The following PRC1 variants were observed in gnomAD, a reference collection of about 807,000 sequenced individuals.
PRC1 encodes anaphase spindle elongation 1 homolog.
Under a neutral mutation model 91.2 loss-of-function variants are expected in PRC1, and 54 were observed. The observed-to-expected ratio is 0.59, with a 90% CI of 0.48 to 0.74. The LOEUF (loss-of-function observed/expected upper bound fraction) is 0.74, where lower values mean the gene tolerates loss of function less well. Ranked by LOEUF, PRC1 falls within the 30% of genes least tolerant of loss-of-function variation. The probability of loss-of-function intolerance (pLI) is 0.00; values close to 1 mark genes in which losing one functional copy is unlikely to be tolerated. For missense variants in PRC1, 727 were observed against 746.2 expected, an observed-to-expected ratio of 0.97 and a Z score of 0.30; for synonymous variants, 275 against 263.6, an observed-to-expected ratio of 1.04 and a Z score of -0.42.
chr15:90,969,675 A>T (rs2037885392), intron 12 of PRC1, 52 bp from the exon 13 acceptor site: 1 of 1,512,156 alleles, frequency 6.6e-7, no homozygotes, highest in African/African-American at 1.4e-5. Context: ...GAACGTGCAC[A>T]CGCACACACA....
In PRC1 at chr15:90,984,819, C is replaced by T. The variant is rs1226933198; in HGVS notation, c.18G>A (p.Val6=). The part of the protein sequence containing the change: MRRSE[V]LAEESIVCLQ... Reference sequence around the variant, plus strand: ...GACATACTATGGACTCCTCCGCCAGCACCTCACTGAAAACCAAAAACTAAG... The same window carrying T: ...GACATACTATGGACTCCTCCGCCAGTACCTCACTGAAAACCAAAAACTAAG... Residue 6 remains valine (V), a synonymous_variant, in exon 2 of 15, where the codon GTG becomes GTA. Transcript: ENST00000394249. This position sits in a 1 kb window ranked among gnomAD's most constrained non-coding sequence, Gnocchi z 5.1. The T allele has an allele frequency of 1.9e-6, 3 of 1,614,014 alleles. No homozygotes were observed. Among genetic ancestry groups the T allele is most frequent in the East Asian group, 4.5e-5 (2 of 44,896 alleles).
In PRC1 at chr15:90,974,710, G is replaced by A. The variant is rs549267890; in HGVS notation, c.1225C>T (p.Arg409Ter). Residue 409 changes from arginine (R) to a stop codon, truncating the protein, a stop_gained, in exon 10 of 15, where the codon CGA becomes TGA. Coordinates refer to ENST00000394249, the MANE Select transcript of PRC1 (RefSeq NM_003981.4). LOFTEE classifies it high-confidence loss of function. This position sits in a 1 kb window ranked among gnomAD's most constrained non-coding sequence, Gnocchi z 4.6. ...LPKLEEELKA[R>*]IELWEQEHSK... ...TGTTCCTGTTCCCACAATTCAATTC[G>A]TGCCTTCAACTCTTCTTCCAGCTGA... is the stretch of plus-strand genomic sequence containing the variant. The A allele has an allele frequency of 7.4e-6, 12 of 1,614,058 alleles. No homozygotes were observed. The highest frequency in any genetic ancestry group is 5.0e-5 in the Admixed American group (3 of 60,000).
At chr15:90,969,764 ATATATATATATATATATAT>A (rs1369156007) in intron 12 of PRC1, 141 bp from the exon 13 acceptor site, 472 of 9,064 alleles carry the variant, frequency 0.052, 3 homozygotes, top group East Asian at 0.42. Context: ...AAAAAAAAAC[ATATATATATATATATATAT>A]ATATATATAT....
In PRC1 at chr15:90,966,890, T is replaced by C. The variant is rs1567175288; in HGVS notation, c.*241A>G. 3 of 556,114 alleles carry C rather than the reference T, an allele frequency of 5.4e-6. No homozygotes were observed. 34.4% of individuals were successfully genotyped at this position (556,114 alleles called of 1,614,324 possible). On this transcript the variant is annotated 3_prime_UTR_variant, in exon 15 of 15. Coordinates refer to ENST00000394249, the MANE Select transcript of PRC1 (RefSeq NM_003981.4). ...GAAGTCAGGCCCCATATGCTAAAATTTGCACTTCTTGCCATAAACTTTTCA... is the reference window on the plus strand; with the variant it reads ...GAAGTCAGGCCCCATATGCTAAAATCTGCACTTCTTGCCATAAACTTTTCA...
intron 1 of PRC1, among the ~76,000 whole-genome samples, chr15:90,990,041 A>T (rs910902404): frequency 6.6e-6 from 1 of 152,026 alleles, no homozygotes; most frequent in Non-Finnish European, 1.5e-5. Flanking sequence ...AACTTAAACA[A>T]TAAAATTTTT....
At chr15:90,983,950 A>G in intron 3 of PRC1, 68 bp downstream of exon 3, 1 of 1,575,044 alleles carries the variant, frequency 6.3e-7, no homozygotes, top group Non-Finnish European at 8.7e-7. Flanking sequence ...TGCAGGCCCA[A>G]GTCAACGTTG....
chr15:90,985,385 C>T (rs2039504405), intron 1 of PRC1, among the ~76,000 whole-genome samples: 1 of 151,760 alleles, frequency 6.6e-6, no homozygotes, highest in African/African-American at 2.4e-5. Flanking sequence ...CAGGTGCTAC[C>T]ACACCCAGCT....
Position 90,981,554 on chromosome 15 carries a change from T to C in PRC1, c.617A>G (p.Asp206Gly), listed in dbSNP as rs780992729. Residue 206 changes from aspartate to glycine, a missense_variant, in exon 5 of 15, where the codon GAT (aspartate) becomes GGT (glycine). By Grantham distance (94) the Asp-to-Gly change is moderately conservative (BLOSUM62 -1). Transcript: ENST00000394249. ...FERDVVCEDEDAFCLSLENIA... is the reference protein window; with the variant it reads ...FERDVVCEDEGAFCLSLENIA... ...ATTCTCCAAAGACAAACAAAAGGCA[T>C]CTTCGTCTTCACACACCACATCTCT... 2.5e-6 allele frequency: 4 copies of C among 1,613,980 alleles called. No individual in the cohort carries two copies. Among genetic ancestry groups the C allele is most frequent in the African/African-American group, 2.7e-5 (2 of 74,944 alleles).
intron 1 of PRC1, among the ~76,000 whole-genome samples, chr15:90,985,279 G>A (rs541732774): frequency 2.0e-5 from 3 of 150,770 alleles, no homozygotes; most frequent in Non-Finnish European, 2.9e-5. Flanking sequence ...CGCCCAGGCT[G>A]GAGTGCAGTG....
chr15:90,969,712 C>G (rs905206795), intron 12 of PRC1, 89 bp from the exon 13 acceptor site: 1 of 1,074,888 alleles, frequency 9.3e-7, no homozygotes, highest in African/African-American at 1.6e-5. Flanking sequence ...AAGGCTGAGA[C>G]TATCTTTATA....
intron 1 of PRC1, chr15:90,988,603 C>A (rs2039748630): frequency 6.6e-6 from 1 of 152,244 alleles, no homozygotes; most frequent in South Asian, 2.1e-4. Flanking sequence ...CAATGCCCCT[C>A]AATAAACCAC....
chr15:90,969,165 G>A lies in PRC1; in HGVS notation c.1750-45C>T, dbSNP rs773765331. 7.6e-6 allele frequency: 12 copies of A among 1,570,304 alleles called. No individual in the cohort carries two copies. The East Asian group carries it at 2.5e-4, about 32-fold the overall frequency. ...ACAATTACCAAGAACTCCACCAAGA[G>A]AGCACCAGGACAGTGATAGAGGGGT... On this transcript the variant is annotated intron_variant, in intron 13 of 14. Transcript: ENST00000394249.
rs770986326 is a variant in PRC1, at chr15:90,970,415, A to G, written c.1561T>C (p.Ser521Pro). 8.1e-6 allele frequency: 13 copies of G among 1,605,744 alleles called. No individual in the cohort carries two copies. The highest frequency in any genetic ancestry group is 1.0e-5 in the Non-Finnish European group (12 of 1,172,404). Residue 521 changes from serine to proline, a missense_variant, in exon 12 of 15, where the codon TCT becomes CCT. Transcript: ENST00000394249. ...CAGGGCATACTAACCTTGCTGCCAG[A>G]AGGAGGAAGTCGAGACACGGGGGAG... ...YHSPVSRLPP[S>P]GSKPVAASTC...
At position 90,980,966 on chromosome 15, in the gene PRC1, C is replaced by G. The variant is rs769188156; in HGVS notation, c.740G>C (p.Trp247Ser). The G allele has an allele frequency of 1.9e-5, 30 of 1,614,070 alleles. No homozygotes were observed. In the South Asian group the frequency reaches 3.3e-4, roughly 18 times the overall value. The change falls in exon 6 of 15, where the codon TGG (tryptophan) becomes TCG (serine). Residue 247 changes from tryptophan (W) to serine (S), a missense_variant. Trp to Ser is a radical substitution (Grantham distance 177). Coordinates refer to ENST00000394249, the MANE Select transcript of PRC1 (RefSeq NM_003981.4). The stretch of plus-strand genomic sequence containing the variant: ...TTCTTCAGGTATTTGCAACCTGTCC[C>G]AGAGCTCTCGGATTTGAGTACGCAG... Reference protein sequence around the residue: ...EGLRTQIRELWDRLQIPEEER... With the variant: ...EGLRTQIRELSDRLQIPEEER...
chr15:90,980,177 G>A (rs1306669360), intron 7 of PRC1, 65 bp downstream of exon 7: 2 of 1,473,600 alleles, frequency 1.4e-6, no homozygotes, highest in Non-Finnish European at 1.8e-6. Flanking sequence ...CTTGAGACTA[G>A]GCTGGGCAAC....
At chr15:90,991,745 C>A (rs1351835020) in intron 1 of PRC1, among the ~76,000 whole-genome samples, 3 of 152,192 alleles carry the variant, frequency 2.0e-5, no homozygotes, top group Admixed American at 6.5e-5. Flanking sequence ...CTACCACCCC[C>A]ACCCTGGTCC....
chr15:90,976,541 T>G, intron 9 of PRC1, 135 bp downstream of exon 9: 4 of 723,042 alleles, frequency 5.5e-6, no homozygotes, highest in Non-Finnish European at 9.1e-6. Context: ...TTGCTTATAC[T>G]AAATATATAA....
chr15:90,970,403 C>T lies in PRC1; in HGVS notation c.1572+1G>A, dbSNP rs1414901350. ...TGTGCTTAGACACAGGGCATACTAA[C>T]CTTGCTGCCAGAAGGAGGAAGTCGA... On this transcript the variant is annotated splice_donor_variant, in intron 12 of 14. Coordinates refer to ENST00000394249, the MANE Select transcript of PRC1 (RefSeq NM_003981.4). LOFTEE classifies it high-confidence loss of function. 1 of 1,592,736 alleles carries T rather than the reference C, an allele frequency of 6.3e-7. No homozygotes were observed. Among genetic ancestry groups the T allele is most frequent in the Non-Finnish European group, 8.6e-7 (1 of 1,160,792 alleles).
At chr15:90,979,409 A>T (rs2039003227) in intron 7 of PRC1, 115 bp from the exon 8 acceptor site, 1 of 1,219,338 alleles carries the variant, frequency 8.2e-7, no homozygotes, top group Non-Finnish European at 1.1e-6. Flanking sequence ...GTAAACTGAT[A>T]CAGGAAGAGG....
Sources: gnomAD v4.1 joint callset for allele counts (sites outside exome capture counted in the v4.1 genomes callset) on GRCh38, gnomAD v4.1.1 for gene constraint, Gnocchi (gnomAD v3.1) non-coding constraint, MANE v1.5 for transcripts, NCBI Gene and HGNC (gene_info 2026-07-23, HGNC 2026-07-21) for gene names.